The following PTPN3 variants were observed in gnomAD, a reference collection of about 807,000 sequenced individuals.
The protein encoded by PTPN3 is tyrosine-protein phosphatase non-receptor type 3.
PTPN3 carries 96 observed loss-of-function variants against 132.7 expected under a neutral mutation model. The ratio of observed to expected loss-of-function variants is 0.72; its 90% CI spans 0.61 to 0.86. The LOEUF is 0.86. PTPN3 is among the 40% of genes least tolerant of loss of function. PTPN3 has a pLI of 0.00. For synonymous variants in PTPN3, 398 were observed against 429.0 expected (o/e 0.93, Z 0.89); for missense variants, 1,125 against 1,159.6 (o/e 0.97, Z 0.43).
At chr9:109,460,159 A>G (rs1193783433) in intron 2 of PTPN3, among the ~76,000 whole-genome samples, 1 of 152,108 alleles carries the variant, frequency 6.6e-6, no homozygotes, top group Non-Finnish European at 1.5e-5. Flanking sequence ...CCATCTCAAT[A>G]AACTGCAACT....
chr9:109,389,050 G>C (rs1367626635), intron 22 of PTPN3, among the ~76,000 whole-genome samples, 183 bp downstream of exon 22: 2 of 152,124 alleles, frequency 1.3e-5, no homozygotes, highest in South Asian at 2.1e-4. Flanking sequence ...GCTGGGACTG[G>C]GGAGGAGGAG....
Position 109,404,466 on chromosome 9 carries a change from C to T in PTPN3, c.1935G>A (p.Thr645=), listed in dbSNP as rs747992302. 9 of 1,492,098 alleles carry T rather than the reference C, an allele frequency of 6.0e-6. No individual in the cohort carries two copies. The highest frequency in any genetic ancestry group is 3.7e-5 in the Admixed American group (2 of 54,296). The allele number at this position is 1,492,098 out of a possible 1,614,324, so 92.4% of individuals were successfully genotyped here. The part of the protein sequence containing the change: ...AQLKKGLESG[T]VLIQFEQLYR... ...GTCTTACCTCAAACTGGATCAGCAC[C>T]GTCCCGCTTTCGAGGCCCTTCTTTA... The change falls in exon 19 of 26, where the codon ACG becomes ACA. Residue 645 remains threonine, a synonymous_variant. Transcript: ENST00000374541.
At chr9:109,516,038 G>A in the PTPN3 span, among the ~76,000 whole-genome samples, 2 of 152,188 alleles carry the variant, frequency 1.3e-5, no homozygotes, top group African/African-American at 4.8e-5. Context: ...ACCTGCTGGG[G>A]TGTCCAGTGC....
intron 1 of PTPN3, among the ~76,000 whole-genome samples, chr9:109,496,896 C>T (rs1847693133): frequency 1.3e-5 from 2 of 152,180 alleles, no homozygotes; most frequent in African/African-American, 2.4e-5. Context: ...CTGAGAAACC[C>T]TGATCTAAAT....
chr9:109,416,571 G>A (rs552642442), intron 14 of PTPN3, among the ~76,000 whole-genome samples: 4 of 150,992 alleles, frequency 2.6e-5, no homozygotes, highest in South Asian at 4.2e-4. Context: ...TCAACCTCCC[G>A]AGCAGCCAGG....
chr9:109,465,803 G>A (rs1846077337), intron 1 of PTPN3, among the ~76,000 whole-genome samples: 1 of 151,954 alleles, frequency 6.6e-6, no homozygotes, highest in African/African-American at 2.4e-5. Flanking sequence ...AGTGTTGGGT[G>A]GAAGAGCAAA....
At chr9:109,445,603 GA>G (rs1369510359) in intron 6 of PTPN3, among the ~76,000 whole-genome samples, 2 of 151,736 alleles carry the variant, frequency 1.3e-5, no homozygotes, top group Non-Finnish European at 2.9e-5. Context: ...TCTAAGAGGG[GA>G]AAAAAAAGTA....
the PTPN3 span, chr9:109,533,041 C>A: frequency 6.1e-4 from 184 of 303,434 alleles, no homozygotes; most frequent in Non-Finnish European, 7.9e-4. Context: ...CTGCAACCTC[C>A]GCTTCCCGGG....
At chr9:109,463,154 A>T in intron 2 of PTPN3, 143 bp downstream of exon 2, 1 of 869,446 alleles carries the variant, frequency 1.2e-6, no homozygotes, top group Non-Finnish European at 1.7e-6. Context: ...AAGTATTTCC[A>T]GTGCAATCTC....
intron 14 of PTPN3, among the ~76,000 whole-genome samples, chr9:109,416,472 G>T (rs1260323411): frequency 8.1e-5 from 12 of 147,848 alleles, no homozygotes; most frequent in Admixed American, 6.3e-4. Context: ...TTTTGACAGG[G>T]TCTCACTCCA....
intron 1 of PTPN3, among the ~76,000 whole-genome samples, chr9:109,485,541 A>C (rs928847275): frequency 1.3e-5 from 2 of 152,090 alleles, no homozygotes; most frequent in African/African-American, 4.8e-5. Context: ...AAAAATAAAA[A>C]GTAAAAATAA....
rs1838782179 is a variant in PTPN3 at position 109,378,809 on chromosome 9, C to T, written c.*747G>A. 1.3e-5 allele frequency: 2 copies of T among 152,700 alleles called. No homozygotes were observed. The highest frequency in any genetic ancestry group is 2.4e-5 in the African/African-American group (1 of 41,462). The allele number at this position is 152,700 out of a possible 1,614,324, so 9.5% of individuals were successfully genotyped here. On this transcript the variant is annotated 3_prime_UTR_variant, in exon 26 of 26. Transcript: ENST00000374541. Reference sequence around the variant, plus strand: ...GAGGCAAGCAGAGGCAAGAGACACACCTGCTTCTACAACTAAGCCACAAGA... The same window carrying T: ...GAGGCAAGCAGAGGCAAGAGACACATCTGCTTCTACAACTAAGCCACAAGA...
intron 16 of PTPN3, 123 bp downstream of exon 16, chr9:109,409,876 T>C: frequency 7.0e-7 from 1 of 1,420,152 alleles, no homozygotes; most frequent in Non-Finnish European, 9.3e-7. Context: ...CAACTCTCAA[T>C]TCTGAGGGTT....
At chr9:109,449,933 TACTTTGTA>T in intron 5 of PTPN3, 1 of 985,460 alleles carries the variant, frequency 1.0e-6, no homozygotes, top group Non-Finnish European at 1.2e-6. Context: ...TACATGGTAC[TACTTTGTA>T]ACTTTCCCTC....
At chr9:109,404,712 A>G in intron 18 of PTPN3, 104 bp from the exon 19 acceptor site, 2 of 1,245,504 alleles carry the variant, frequency 1.6e-6, no homozygotes, top group Non-Finnish European at 2.1e-6. Context: ...AGATGGTTCA[A>G]AACATCTTAT....
intron 19 of PTPN3, chr9:109,397,623 C>T (rs41278401): frequency 6.6e-6 from 1 of 152,184 alleles, no homozygotes; most frequent in East Asian, 1.9e-4. Context: ...GGTCTTGGAG[C>T]CTCTACCTAC....
chr9:109,433,143 G>C lies in PTPN3; in HGVS notation c.694C>G (p.Leu232Val), dbSNP rs1843782076. 1 of 1,614,044 alleles carries C rather than the reference G, an allele frequency of 6.2e-7. No individual in the cohort carries two copies. Among genetic ancestry groups the C allele is most frequent in the African/African-American group, 1.3e-5 (1 of 75,032 alleles). ...CCCGCGGAAGCAATTCCAATCATTA[G>C]GTCTAAATTGTGCAGATCCTGTAAA... Reference protein sequence around the residue: ...HSGRDLHNLDLMIGIASAGVA... With the variant: ...HSGRDLHNLDVMIGIASAGVA... The change falls in exon 10 of 26, where the codon CTA (leucine) becomes GTA (valine). Residue 232 changes from leucine to valine, a missense_variant. Leu to Val is a conservative substitution (Grantham distance 32). Transcript: ENST00000374541.
rs1156740533 is a variant in PTPN3 at position 109,448,856 on chromosome 9, C to T, written c.369-1G>A. The T allele has an allele frequency of 1.9e-6, 3 of 1,581,016 alleles. No individual in the cohort carries two copies. The highest frequency in any genetic ancestry group is 1.2e-5 in the South Asian group (1 of 86,422). On this transcript the variant is annotated splice_acceptor_variant, in intron 5 of 25. Coordinates refer to ENST00000374541, the MANE Select transcript of PTPN3 (RefSeq NM_002829.4). LOFTEE classifies it high-confidence loss of function. Reference sequence around the variant, plus strand: ...CTTCAGTTGTAAGAAATACAAGTGCCTATGAAACAATTGTTTTCATTAATT... The same window carrying T: ...CTTCAGTTGTAAGAAATACAAGTGCTTATGAAACAATTGTTTTCATTAATT...
At chr9:109,459,758 C>A (rs767552060) in intron 2 of PTPN3, among the ~76,000 whole-genome samples, 5 of 152,124 alleles carry the variant, frequency 3.3e-5, no homozygotes, top group Non-Finnish European at 5.9e-5. Flanking sequence ...TAGGTGCTTG[C>A]TTTCTCCCCT....
Sources: allele counts gnomAD v4.1 joint callset (sites outside exome capture counted in the v4.1 genomes callset), GRCh38; gene constraint gnomAD v4.1.1; transcripts MANE v1.5; gene names NCBI Gene and HGNC (gene_info 2026-07-23, HGNC 2026-07-21).